The following PLXNA2 variants were observed in gnomAD, a reference collection of about 807,000 sequenced individuals.
PLXNA2 encodes plexin A2, also known as plexin-A2.
PLXNA2 carries 91 observed loss-of-function variants against 193.5 expected under a neutral mutation model. The observed-to-expected ratio is 0.47, with a 90% confidence interval of 0.40 to 0.56. The LOEUF is 0.56. PLXNA2 is among the 20% of genes least tolerant of loss of function. PLXNA2 has a pLI of 0.00. For missense variants in PLXNA2, 1,995 were observed against 2,503.2 expected, an observed-to-expected ratio of 0.80 and a Z score of 4.33; for synonymous variants, 997 against 1,027.3, an observed-to-expected ratio of 0.97 and a Z score of 0.56.
At chr1:208,167,736 G>A (rs1669356701) in intron 3 of PLXNA2, among the ~76,000 whole-genome samples, 1 of 152,230 alleles carries the variant, frequency 6.6e-6, no homozygotes, top group African/African-American at 2.4e-5. Context: ...CGCACGTGGT[G>A]CATAATGACT....
rs1572020544 is a variant in PLXNA2 at position 208,195,968 on chromosome 1, G to C, written c.1371+14312C>G. ...GGGAAAGACTGAAGGTACAAGGGAG[G>C]TGGGGGGTACATTATATGGCCTCAT... On this transcript the variant is annotated intron_variant, in intron 3 of 31. Coordinates refer to ENST00000367033, the MANE Select transcript of PLXNA2 (RefSeq NM_025179.4). Among the ~76,000 whole-genome samples the C allele has an allele frequency of 6.5e-5, 9 of 139,434 alleles. 1 individual carries two copies. Among genetic ancestry groups the C allele is most frequent in the African/African-American group, 2.4e-4 (9 of 37,994 alleles). The allele number at this position is 139,434 out of a possible 152,430, so 91.5% of individuals were successfully genotyped here.
rs1012839601 is a variant in PLXNA2 at position 208,038,061 on chromosome 1, T to TTTG, written c.4764+307_4764+309dup. On this transcript the variant is annotated intron_variant, in intron 26 of 31. Transcript: ENST00000367033. This position sits in a 1 kb window ranked among gnomAD's most constrained non-coding sequence, Gnocchi z 4.1. ...AGGGCTTTGCAATATGCATTTGATT[T>TTTG]TTGTTGTTGTTGTTGTTTTGTTTTG... Among the ~76,000 whole-genome samples the TTTG allele has an allele frequency of 9.2e-5, 14 of 152,178 alleles. No individual in the cohort carries two copies. Among genetic ancestry groups the TTTG allele is most frequent in the Admixed American group, 1.3e-4 (2 of 15,288 alleles).
intron 29 of PLXNA2, chr1:208,031,102 A>T (rs1425352648): frequency 1.0e-6 from 1 of 996,014 alleles, no homozygotes; most frequent in Non-Finnish European, 1.2e-6. Context: ...GCAGGTGTGA[A>T]CTCCCTCTCC....
Position 208,121,174 on chromosome 1 carries a change from A to C in PLXNA2, c.1507-17927T>G, listed in dbSNP as rs17011976. ...GAGATTTCCATCCCCGGGGAAACCT[A>C]AGTAAGGTCCACCATGAGCGAGAGC... is the stretch of plus-strand genomic sequence containing the variant. On this transcript the variant is annotated intron_variant, in intron 4 of 31. Transcript: ENST00000367033. Among the ~76,000 whole-genome samples, 1,452 of 152,278 alleles carry C rather than the reference A, an allele frequency of 9.5e-3. 17 individuals carry two copies. The highest frequency in any genetic ancestry group is 0.013 in the Non-Finnish European group (897 of 68,018).
intron 29 of PLXNA2, chr1:208,031,379 C>T: frequency 7.1e-7 from 1 of 1,406,360 alleles, no homozygotes; most frequent in Non-Finnish European, 9.3e-7. Flanking sequence ...ATTGCTGTGC[C>T]TCAAGCCAGG....
At chr1:208,030,810 T>C (rs2102298883) in intron 29 of PLXNA2, 11 of 985,402 alleles carry the variant, frequency 1.1e-5, no homozygotes, top group Non-Finnish European at 1.2e-5. Flanking sequence ...AAGGAAGCCT[T>C]TTGATGCCAG....
At position 208,023,034 on chromosome 1, in the gene PLXNA2, G is replaced by C. The variant is rs1339659905; in HGVS notation, c.*4209C>G. On this transcript the variant is annotated 3_prime_UTR_variant, in exon 32 of 32. Transcript: ENST00000367033. ...AAAACGTCACACTTCAGGGAAACTA[G>C]GGAAGAGAGACTGAGTTATGGAAAG... The C allele has an allele frequency of 6.6e-6, 1 of 152,210 alleles. No homozygotes were observed. Among genetic ancestry groups the C allele is most frequent in the East Asian group, 1.9e-4 (1 of 5,198 alleles). 9.4% of individuals were successfully genotyped at this position (152,210 alleles called of 1,614,324 possible). A position where few individuals can be genotyped will look rare whatever the true frequency, so the allele number is the denominator to read the frequency against.
intron 20 of PLXNA2, 145 bp from the exon 21 acceptor site, chr1:208,043,348 C>A (rs1664942191): frequency 3.0e-6 from 2 of 660,128 alleles, no homozygotes; most frequent in Non-Finnish European, 5.1e-6. Flanking sequence ...GAGGGCGGGG[C>A]TACTCCCAGC....
chr1:208,130,287 ACAGTGTAAAG>A (rs1668106502), intron 4 of PLXNA2, among the ~76,000 whole-genome samples: 1 of 152,218 alleles, frequency 6.6e-6, no homozygotes, highest in African/African-American at 2.4e-5. Context: ...GGCTCTAAAA[ACAGTGTAAAG>A]CTGGGAGGAG....
intron 1 of PLXNA2, among the ~76,000 whole-genome samples, chr1:208,237,081 A>T (rs1180805122): frequency 6.6e-6 from 1 of 152,150 alleles, no homozygotes; most frequent in African/African-American, 2.4e-5. Flanking sequence ...TACCCTCTTT[A>T]TGGACAGAAA....
At chr1:208,115,343 C>T (rs1396041246) in intron 4 of PLXNA2, among the ~76,000 whole-genome samples, 2 of 152,182 alleles carry the variant, frequency 1.3e-5, no homozygotes, top group Admixed American at 6.5e-5. Context: ...AGTCTATCCG[C>T]TGAGTTCATC....
chr1:208,049,489 C>T (rs548549944), intron 17 of PLXNA2, among the ~76,000 whole-genome samples: 6 of 151,984 alleles, frequency 3.9e-5, no homozygotes, highest in African/African-American at 7.3e-5. Flanking sequence ...AGGAGGCATG[C>T]GCTCACCTAG....
rs752174144 is a variant in PLXNA2 at position 208,216,765 on chromosome 1, C to T, written c.1158G>A (p.Leu386=). ...TGGTGCACTGGACGTCCTTCCCCAG[C>T]AGCCAGTTGAGCTCCAGGTTGCCCT... ...QGEGNLELNW[L]LGKDVQCTKA... is the part of the protein sequence containing the mutation. The change falls in exon 2 of 32, where the codon CTG becomes CTA. Residue 386 remains leucine, a synonymous_variant. Coordinates refer to ENST00000367033, the MANE Select transcript of PLXNA2 (RefSeq NM_025179.4). The T allele has an allele frequency of 6.2e-7, 1 of 1,613,776 alleles. No homozygotes were observed. Among genetic ancestry groups the T allele is most frequent in the Non-Finnish European group, 8.5e-7 (1 of 1,179,976 alleles).
chr1:208,185,846 T>G (rs539096897), intron 3 of PLXNA2, among the ~76,000 whole-genome samples: 2 of 151,396 alleles, frequency 1.3e-5, no homozygotes, highest in Non-Finnish European at 2.9e-5. Context: ...TAGAGACAGG[T>G]GTGGCAAGGA....
chr1:208,164,463 GC>G (rs951390703), intron 3 of PLXNA2, among the ~76,000 whole-genome samples: 1 of 152,162 alleles, frequency 6.6e-6, no homozygotes, highest in African/African-American at 2.4e-5. Flanking sequence ...AGTACCAGTT[GC>G]TTTTTGGTGG....
intron 3 of PLXNA2, among the ~76,000 whole-genome samples, chr1:208,147,188 C>A (rs1668627947): frequency 6.6e-6 from 1 of 152,026 alleles, no homozygotes; most frequent in Non-Finnish European, 1.5e-5. Flanking sequence ...CAACTGGCTA[C>A]TTTTTAATTT....
intron 3 of PLXNA2, among the ~76,000 whole-genome samples, chr1:208,204,237 T>A (rs894908778): frequency 6.6e-5 from 10 of 151,688 alleles, no homozygotes; most frequent in Non-Finnish European, 1.3e-4. Flanking sequence ...ATCCCAAGAG[T>A]CATACAGAGA....
intron 4 of PLXNA2, among the ~76,000 whole-genome samples, chr1:208,106,751 T>C (rs1667282616): frequency 6.6e-6 from 1 of 152,266 alleles, no homozygotes; most frequent in Non-Finnish European, 1.5e-5. Context: ...TTTTGAAATG[T>C]GGCTACTAGA....
At chr1:208,092,719 A>T in intron 9 of PLXNA2, 67 bp downstream of exon 9, 2 of 1,119,766 alleles carry the variant, frequency 1.8e-6, no homozygotes, top group Non-Finnish European at 2.6e-6. Context: ...TGGACTGACC[A>T]TCTAAAGAGG....
Sources: gnomAD v4.1 joint callset for allele counts (sites outside exome capture counted in the v4.1 genomes callset) on GRCh38, gnomAD v4.1.1 for gene constraint, Gnocchi (gnomAD v3.1) non-coding constraint, MANE v1.5 for transcripts, NCBI Gene and HGNC (gene_info 2026-07-23, HGNC 2026-07-21) for gene names.